KCNK1: variants seen among roughly 807,000 people sequenced by gnomAD.
KCNK1 encodes the protein potassium channel subfamily K member 1.
KCNK1 carries 10 observed loss-of-function variants against 22.2 expected under a neutral mutation model. That is an observed-to-expected ratio of 0.45 (90% CI 0.28 to 0.76). The LOEUF (loss-of-function observed/expected upper bound fraction) is 0.76, where lower values mean the gene tolerates loss of function less well. KCNK1 is among the 30% of genes least tolerant of loss of function. KCNK1 has a pLI of 0.14. For missense variants in KCNK1, 378 were observed against 421.0 expected, an observed-to-expected ratio of 0.90 and a Z score of 0.89; for synonymous variants, 200 against 186.4, an observed-to-expected ratio of 1.07 and a Z score of -0.60.
At chr1:233,644,845 T>C (rs1047045145) in intron 1 of KCNK1, among the ~76,000 whole-genome samples, 1 of 151,976 alleles carries the variant, frequency 6.6e-6, no homozygotes, top group Non-Finnish European at 1.5e-5. Flanking sequence ...TTTCAAGAAA[T>C]TTAAGATTAC....
At position 233,671,807 on chromosome 1, in the gene KCNK1, G is replaced by C. The variant is rs1658604482; in HGVS notation, c.*277G>C. The C allele has an allele frequency of 4.6e-6, 2 of 435,926 alleles. No individual in the cohort carries two copies. The highest frequency in any genetic ancestry group is 8.3e-6 in the Non-Finnish European group (2 of 242,316). 27.0% of individuals were successfully genotyped at this position (435,926 alleles called of 1,614,324 possible). ...GACCTTACATAGGAGGAGAATACTT[G>C]AAGCAGTATGCTGCTGTGGTTAGAA... On this transcript the variant is annotated 3_prime_UTR_variant, in exon 3 of 3. Coordinates refer to ENST00000366621, the MANE Select transcript of KCNK1 (RefSeq NM_002245.4).
intron 1 of KCNK1, among the ~76,000 whole-genome samples, chr1:233,647,852 C>T (rs1341167318): frequency 6.6e-6 from 1 of 152,198 alleles, no homozygotes; most frequent in Non-Finnish European, 1.5e-5. Flanking sequence ...TGAGCCTGGG[C>T]TCTTCCAAGA....
chr1:233,629,208 C>T (rs1571891659), intron 1 of KCNK1, among the ~76,000 whole-genome samples: 1 of 152,212 alleles, frequency 6.6e-6, no homozygotes, highest in East Asian at 1.9e-4. Context: ...GTGTAGAGAC[C>T]TAACTGTTGA....
chr1:233,657,668 A>T (rs1558118134), intron 1 of KCNK1, among the ~76,000 whole-genome samples: 2 of 151,252 alleles, frequency 1.3e-5, no homozygotes. Flanking sequence ...AGACGAAAGA[A>T]AAGAAAGAAA....
In KCNK1 at chr1:233,614,244, T is replaced by C; in HGVS notation, c.73T>C (p.Phe25Leu). 1 of 1,612,974 alleles carries C rather than the reference T, an allele frequency of 6.2e-7. No homozygotes were observed. Among genetic ancestry groups the C allele is most frequent in the South Asian group, 1.1e-5 (1 of 91,000 alleles). Residue 25 changes from phenylalanine (F) to leucine (L), a missense_variant, in exon 1 of 3, where the codon TTC (phenylalanine) becomes CTC (leucine). Coordinates refer to ENST00000366621, the MANE Select transcript of KCNK1 (RefSeq NM_002245.4). ...GCACCGCTCGGCCTGGTGCTTCGGC[T>C]TCCTGGTGCTGGGCTACTTGCTCTA... ...ERHRSAWCFG[F>L]LVLGYLLYLV...
intron 1 of KCNK1, among the ~76,000 whole-genome samples, chr1:233,659,288 T>C (rs1483004405): frequency 6.6e-6 from 1 of 151,456 alleles, no homozygotes; most frequent in East Asian, 2.0e-4. Context: ...CACCCGCACA[T>C]CTGTCCCACT....
At chr1:233,628,903 G>A (rs1348490992) in intron 1 of KCNK1, among the ~76,000 whole-genome samples, 3 of 152,172 alleles carry the variant, frequency 2.0e-5, no homozygotes, top group Non-Finnish European at 2.9e-5. Flanking sequence ...GTGCGGATTG[G>A]AAGTGTGAAA....
At position 233,672,437 on chromosome 1, in the gene KCNK1, A is replaced by G. The variant is rs1658618058; in HGVS notation, c.*907A>G. On this transcript the variant is annotated 3_prime_UTR_variant, in exon 3 of 3. Transcript: ENST00000366621. ...ATAGAACTTAAACACGAATCCCTAA[A>G]TGAACAGATTATGTTACATTAATCT... 6.6e-6 allele frequency: 1 copy of G among 151,768 alleles called. No homozygotes were observed. Among genetic ancestry groups the G allele is most frequent in the African/African-American group, 2.4e-5 (1 of 41,350 alleles). 9.4% of individuals were successfully genotyped at this position (151,768 alleles called of 1,614,324 possible). A position where few individuals can be genotyped will look rare whatever the true frequency, so the allele number is the denominator to read the frequency against.
intron 1 of KCNK1, among the ~76,000 whole-genome samples, chr1:233,636,981 G>A (rs943303538): frequency 6.6e-6 from 1 of 152,056 alleles, no homozygotes; most frequent in Non-Finnish European, 1.5e-5. Context: ...AGGATCATGA[G>A]GTCAGGAGAT....
At chr1:233,627,816 G>A (rs1657716889) in intron 1 of KCNK1, among the ~76,000 whole-genome samples, 2 of 152,140 alleles carry the variant, frequency 1.3e-5, no homozygotes, top group South Asian at 4.1e-4. Flanking sequence ...GAAAGTTGGG[G>A]AGCACAAAAA....
intron 1 of KCNK1, among the ~76,000 whole-genome samples, chr1:233,646,500 C>G (rs1292964188): frequency 6.6e-6 from 1 of 151,968 alleles, no homozygotes. Flanking sequence ...CTCCTCAGCT[C>G]TCAAGGTGGC....
At chr1:233,659,609 C>A (rs1051283966) in intron 1 of KCNK1, among the ~76,000 whole-genome samples, 7 of 151,562 alleles carry the variant, frequency 4.6e-5, no homozygotes, top group African/African-American at 9.7e-5. Context: ...TACTTTTATG[C>A]AAATAGCAGC....
chr1:233,635,388 C>T (rs949275684), intron 1 of KCNK1, among the ~76,000 whole-genome samples: 1 of 152,132 alleles, frequency 6.6e-6, no homozygotes, highest in Non-Finnish European at 1.5e-5. Context: ...TAATAAACAA[C>T]AGATAGTCTT....
At chr1:233,618,876 C>G (rs1571887401) in intron 1 of KCNK1, among the ~76,000 whole-genome samples, 1 of 150,566 alleles carries the variant, frequency 6.6e-6, no homozygotes, top group Admixed American at 6.6e-5. Context: ...GAGCAAGACT[C>G]CATCTCAAAA....
chr1:233,642,423 G>A (rs1571896991), intron 1 of KCNK1, among the ~76,000 whole-genome samples: 1 of 152,188 alleles, frequency 6.6e-6, no homozygotes, highest in South Asian at 2.1e-4. Flanking sequence ...GGGGACAAGG[G>A]CAGGTGAGCA....
intron 2 of KCNK1, among the ~76,000 whole-genome samples, chr1:233,668,616 T>G (rs1658540350): frequency 6.6e-6 from 1 of 152,200 alleles, no homozygotes; most frequent in Non-Finnish European, 1.5e-5. Context: ...GAGAATTTTT[T>G]TTTTTTGAGA....
chr1:233,655,147 AAAG>A (rs1402937137), intron 1 of KCNK1, among the ~76,000 whole-genome samples: 1 of 152,356 alleles, frequency 6.6e-6, no homozygotes, highest in East Asian at 1.9e-4. Context: ...GCATTGAGCC[AAAG>A]AAGATTATTC....
At chr1:233,658,365 A>C (rs1265898540) in intron 1 of KCNK1, among the ~76,000 whole-genome samples, 2 of 152,220 alleles carry the variant, frequency 1.3e-5, no homozygotes, top group African/African-American at 2.4e-5. Context: ...TAGAAATTTT[A>C]ATTTGGCCAA....
intron 1 of KCNK1, among the ~76,000 whole-genome samples, chr1:233,633,084 T>C (rs1222461482): frequency 1.3e-5 from 2 of 151,766 alleles, no homozygotes; most frequent in African/African-American, 4.8e-5. Flanking sequence ...CAATGATAAC[T>C]GTGTTGATTT....
Sources: allele counts gnomAD v4.1 joint callset (sites outside exome capture counted in the v4.1 genomes callset), GRCh38; gene constraint gnomAD v4.1.1; transcripts MANE v1.5; gene names NCBI Gene and HGNC (gene_info 2026-07-23, HGNC 2026-07-21).